Variants in FBXL14 observed in about 807,000 individuals in gnomAD.
FBXL14 encodes the protein F-box and leucine rich repeat protein 14, also known as F-box/LRR-repeat protein 14.
FBXL14 carries 11 observed loss-of-function variants against 24.5 expected under a neutral mutation model. The observed-to-expected ratio is 0.45, with a 90% CI of 0.28 to 0.74. FBXL14 has a LOEUF of 0.74. Ranked by LOEUF, FBXL14 falls within the 30% of genes least tolerant of loss-of-function variation. The probability of loss-of-function intolerance (pLI) is 0.12; values close to 1 mark genes in which losing one functional copy is unlikely to be tolerated. For synonymous variants in FBXL14, 294 were observed against 240.4 expected (o/e 1.22, Z -2.06); for missense variants, 384 against 545.6 (o/e 0.70, Z 2.95).
chr12:1,582,152 GAAGGA>G (rs2094467595), intron 1 of FBXL14, among the ~76,000 whole-genome samples: 1 of 143,178 alleles, frequency 7.0e-6, no homozygotes, highest in East Asian at 2.1e-4. Flanking sequence ...AGGAAGGAAG[GAAGGA>G]AAGGAAAGAA....
intron 1 of FBXL14, among the ~76,000 whole-genome samples, chr12:1,568,443 G>A (rs1592452040): frequency 6.6e-6 from 1 of 152,294 alleles, no homozygotes; most frequent in East Asian, 1.9e-4. Context: ...AATGCTATAG[G>A]TCAGAAACTT....
At chr12:1,590,685 T>C (rs1248798697) in intron 1 of FBXL14, among the ~76,000 whole-genome samples, 2 of 152,196 alleles carry the variant, frequency 1.3e-5, no homozygotes, top group Non-Finnish European at 2.9e-5. Context: ...AGTGCTAAAA[T>C]GCAAATGTGC....
At chr12:1,586,328 C>CAGG (rs1262344791) in intron 1 of FBXL14, among the ~76,000 whole-genome samples, 2 of 151,888 alleles carry the variant, frequency 1.3e-5, no homozygotes, top group Non-Finnish European at 2.9e-5. Context: ...CACTGCACTC[C>CAGG]AGCCTGGGCA....
chr12:1,574,288 C>G (rs1209612346), intron 1 of FBXL14, among the ~76,000 whole-genome samples: 1 of 65,370 alleles, frequency 1.5e-5, no homozygotes, highest in African/African-American at 5.1e-5. Context: ...GCCAGCGCCC[C>G]AGTGATTCTC....
At chr12:1,576,091 T>G (rs1258221651) in intron 1 of FBXL14, among the ~76,000 whole-genome samples, 1 of 152,174 alleles carries the variant, frequency 6.6e-6, no homozygotes, top group East Asian at 1.9e-4. Context: ...AAATATTTCC[T>G]TTTCTTCCCA....
intron 1 of FBXL14, among the ~76,000 whole-genome samples, chr12:1,589,617 G>A (rs1255358161): frequency 6.6e-6 from 1 of 152,100 alleles, no homozygotes; most frequent in East Asian, 1.9e-4. Flanking sequence ...GTTTCAGCAG[G>A]TTGCTTTGAA....
chr12:1,570,491 G>A (rs1187599190), intron 1 of FBXL14, among the ~76,000 whole-genome samples: 2 of 152,150 alleles, frequency 1.3e-5, no homozygotes, highest in East Asian at 3.9e-4. Flanking sequence ...GAAGGGTGAA[G>A]GTGGGAAATG....
intron 1 of FBXL14, among the ~76,000 whole-genome samples, chr12:1,582,241 GAAAA>G (rs1491484146): frequency 2.6e-5 from 4 of 151,642 alleles, no homozygotes; most frequent in Admixed American, 2.6e-4. Context: ...AAGAAAGAAA[GAAAA>G]AGAAAAGAAA....
chr12:1,585,093 G>A lies in FBXL14; in HGVS notation c.1194+7780C>T, dbSNP rs536253509. Reference sequence around the variant, plus strand: ...TACGTCTCAGAAAGCCTTGCCTTGGGCTAGAAAAAGGTAGCAGATGTGTGG... The same window carrying A: ...TACGTCTCAGAAAGCCTTGCCTTGGACTAGAAAAAGGTAGCAGATGTGTGG... On this transcript the variant is annotated intron_variant, in intron 1 of 1. Coordinates refer to ENST00000339235, the MANE Select transcript of FBXL14 (RefSeq NM_152441.3). Among the ~76,000 whole-genome samples the A allele has an allele frequency of 1.2e-4, 19 of 152,262 alleles. No homozygotes were observed. The South Asian group carries it at 3.1e-3, about 25-fold the overall frequency.
Position 1,593,329 on chromosome 12 carries a change from G to A in FBXL14, c.738C>T (p.Leu246=). ...SFCGGISDAG[L]LHLSHMGSLR... is the part of the protein sequence containing the mutation. ...GGCTGCCCATGTGCGACAGGTGCAG[G>A]AGGCCAGCGTCCGAGATTCCCCCAC... is the stretch of plus-strand genomic sequence containing the variant. Residue 246 remains leucine (L), a synonymous_variant, in exon 1 of 2, where the codon CTC becomes CTT. Transcript: ENST00000339235. This position sits in a 1 kb window ranked among gnomAD's most constrained non-coding sequence, Gnocchi z 7.4. 1 of 1,613,628 alleles carries A rather than the reference G, an allele frequency of 6.2e-7. No homozygotes were observed. Among genetic ancestry groups the A allele is most frequent in the Non-Finnish European group, 8.5e-7 (1 of 1,180,042 alleles).
chr12:1,593,784 G>A lies in FBXL14; in HGVS notation c.283C>T (p.Leu95Phe). The change falls in exon 1 of 2, where the codon CTC becomes TTC. Residue 95 changes from leucine (L) to phenylalanine (F), a missense_variant. By Grantham distance (22) the Leu-to-Phe change is conservative (BLOSUM62 0). Transcript: ENST00000339235. The surrounding 1 kb of genome is among the most constrained non-coding windows in gnomAD (Gnocchi z 7.4). ...AGGTTGTAGCAGCCGCTGAGGTTGA[G>A]GCTCTCGATGTTGGCCATGCCCTGG... ...VIQGMANIES[L>F]NLSGCYNLTD... 1.2e-6 allele frequency: 2 copies of A among 1,614,210 alleles called. No homozygotes were observed. The highest frequency in any genetic ancestry group is 1.7e-6 in the Non-Finnish European group (2 of 1,180,032).
chr12:1,583,325 G>C (rs1371062365), intron 1 of FBXL14, among the ~76,000 whole-genome samples: 2 of 151,366 alleles, frequency 1.3e-5, no homozygotes, highest in South Asian at 2.1e-4. Flanking sequence ...CCCCAGATAT[G>C]GCAATCTAAG....
At chr12:1,578,631 G>A (rs1222171092) in intron 1 of FBXL14, among the ~76,000 whole-genome samples, 1 of 151,966 alleles carries the variant, frequency 6.6e-6, no homozygotes, top group Non-Finnish European at 1.5e-5. Flanking sequence ...AGAGCAAGAC[G>A]CCGTCTCTAA....
intron 1 of FBXL14, among the ~76,000 whole-genome samples, chr12:1,585,655 CTG>C (rs2094475113): frequency 6.6e-6 from 1 of 152,186 alleles, no homozygotes; most frequent in African/African-American, 2.4e-5. Context: ...TGACACCCCA[CTG>C]TGTGGTAGGT....
At chr12:1,571,824 G>A (rs984425667) in intron 1 of FBXL14, among the ~76,000 whole-genome samples, 2 of 152,202 alleles carry the variant, frequency 1.3e-5, no homozygotes, top group African/African-American at 4.8e-5. Context: ...TGTACTGAGT[G>A]TATCAACTCC....
chr12:1,588,924 T>C (rs545327780), intron 1 of FBXL14, among the ~76,000 whole-genome samples: 4 of 152,104 alleles, frequency 2.6e-5, no homozygotes, highest in Non-Finnish European at 5.9e-5. Flanking sequence ...CAACTTTTCA[T>C]ACCACCAAGA....
Position 1,566,759 on chromosome 12 carries a change from A to T in FBXL14, c.1246T>A (p.Ser416Thr). The change falls in exon 2 of 2, where the codon TCC becomes ACC. Residue 416 changes from serine (S) to threonine (T), a missense_variant. By Grantham distance (58) the Ser-to-Thr change is moderately conservative. Transcript: ENST00000339235. ...TTGTCCCCTCTCCCTCACCTTCTGG[A>T]GCTTCCCCGAGTTCTCACAGTGAAT... ...PLFTVRTRGS[S>T]RR The T allele has an allele frequency of 1.3e-6, 1 of 780,928 alleles. No homozygotes were observed. Among genetic ancestry groups the T allele is most frequent in the East Asian group, 2.4e-5 (1 of 41,240 alleles). 48.4% of individuals were successfully genotyped at this position (780,928 alleles called of 1,614,324 possible).
chr12:1,590,231 G>T (rs1420814510), intron 1 of FBXL14, among the ~76,000 whole-genome samples: 1 of 152,086 alleles, frequency 6.6e-6, no homozygotes, highest in African/African-American at 2.4e-5. Context: ...GATGGATCTA[G>T]TGTCAGGCTC....
At chr12:1,590,784 CCCT>C (rs2094487791) in intron 1 of FBXL14, among the ~76,000 whole-genome samples, 1 of 152,182 alleles carries the variant, frequency 6.6e-6, no homozygotes, top group Non-Finnish European at 1.5e-5. Context: ...GCTTGAGCTG[CCCT>C]CCTCCTCTCC....
Sources: gnomAD v4.1 joint callset for allele counts (sites outside exome capture counted in the v4.1 genomes callset) on GRCh38, gnomAD v4.1.1 for gene constraint, Gnocchi (gnomAD v3.1) non-coding constraint, MANE v1.5 for transcripts, NCBI Gene and HGNC (gene_info 2026-07-23, HGNC 2026-07-21) for gene names.